Variants in RPS6KA2 observed in about 807,000 individuals in gnomAD.
RPS6KA2 encodes the protein ribosomal protein S6 kinase alpha-2.
In RPS6KA2, 42 loss-of-function variants were observed where a neutral mutation model predicts 91.8. That is an observed-to-expected ratio of 0.46 (90% CI 0.36 to 0.59). RPS6KA2 has a LOEUF of 0.59. Ranked by LOEUF, RPS6KA2 falls within the 20% of genes least tolerant of loss-of-function variation. The pLI is 0.00. For synonymous variants in RPS6KA2, 414 were observed against 393.6 expected (o/e 1.05, Z -0.61); for missense variants, 798 against 978.5 (o/e 0.82, Z 2.46).
intron 2 of RPS6KA2, among the ~76,000 whole-genome samples, chr6:166,695,876 A>G (rs530533679): frequency 6.6e-6 from 1 of 152,116 alleles, no homozygotes; most frequent in South Asian, 2.1e-4. Context: ...GGAGCACTAA[A>G]TTCTCATAGG....
At position 166,802,944 on chromosome 6, in the gene RPS6KA2, G is replaced by GTATATATA. The variant is rs201882418; in HGVS notation, c.123+55248_123+55255dup. Among the ~76,000 whole-genome samples the GTATATATA allele has an allele frequency of 3.8e-3, 515 of 133,786 alleles. 6 individuals carry two copies. The highest frequency in any genetic ancestry group is 0.014 in the African/African-American group (479 of 35,198). The allele number at this position is 133,786 out of a possible 152,430, so 87.8% of individuals were successfully genotyped here. Reference sequence around the variant, plus strand: ...ATAATGTATGTATATGTGTGTGTGTGTATATATATATATATATATAAAATG... The same window carrying GTATATATA: ...ATAATGTATGTATATGTGTGTGTGTGTATATATATATATATATATATATATATAAAATG... On this transcript the variant is annotated intron_variant, in intron 2 of 21. Transcript: ENST00000503859.
intron 1 of RPS6KA2, among the ~76,000 whole-genome samples, chr6:166,555,140 A>T (rs1018154955): frequency 2.0e-5 from 3 of 152,302 alleles, no homozygotes; most frequent in African/African-American, 7.2e-5. Context: ...TTACAATGGG[A>T]AAGGGACTCC....
At chr6:166,858,912 G>A (rs1384107840) in intron 1 of RPS6KA2, among the ~76,000 whole-genome samples, 1 of 151,866 alleles carries the variant, frequency 6.6e-6, no homozygotes, top group East Asian at 1.9e-4. Context: ...CTCCACGGAA[G>A]AACACCAGCC....
chr6:166,701,599 A>C, intron 2 of RPS6KA2: 1 of 1,332,242 alleles, frequency 7.5e-7, no homozygotes. Flanking sequence ...AGCCGGGATA[A>C]ACAGATGAAC....
intron 10 of RPS6KA2, among the ~76,000 whole-genome samples, chr6:166,473,270 A>C (rs1780840645): frequency 6.6e-6 from 1 of 151,912 alleles, no homozygotes; most frequent in South Asian, 2.1e-4. Context: ...GACTCACTGC[A>C]GCCTCGATTT....
At position 166,501,013 on chromosome 6, in the gene RPS6KA2, G is replaced by C. The variant is rs561664610; in HGVS notation, c.567-89C>G. The C allele has an allele frequency of 7.1e-6, 9 of 1,259,024 alleles. No individual in the cohort carries two copies. In the East Asian group the frequency reaches 1.7e-4, roughly 23 times the overall value. The allele number at this position is 1,259,024 out of a possible 1,614,324, so 78.0% of individuals were successfully genotyped here. A position where few individuals can be genotyped will look rare whatever the true frequency, so the allele number is the denominator to read the frequency against. ...GAGCTCAGAGGAGAGCTGCGGGGCA[G>C]CTGGGGGCGGACGTTTTCAGGGAGC... On this transcript the variant is annotated intron_variant, in intron 6 of 20. Transcript: ENST00000265678.
At chr6:166,518,031 G>A (rs1327669112) in intron 3 of RPS6KA2, among the ~76,000 whole-genome samples, 4 of 152,266 alleles carry the variant, frequency 2.6e-5, no homozygotes, top group Middle Eastern at 3.4e-3. Flanking sequence ...TTCTGTGTGT[G>A]TGTCTTTAAT....
intron 2 of RPS6KA2, among the ~76,000 whole-genome samples, chr6:166,764,528 G>C (rs1778256523): frequency 6.6e-6 from 1 of 152,146 alleles, no homozygotes; most frequent in Non-Finnish European, 1.5e-5. Context: ...AGGCGGGCAG[G>C]GGTGGTTGCT....
chr6:166,456,826 A>G (rs1428890207), intron 12 of RPS6KA2, among the ~76,000 whole-genome samples: 1 of 152,256 alleles, frequency 6.6e-6, no homozygotes, highest in African/African-American at 2.4e-5. Context: ...TGATAAATTA[A>G]CTGAAACTGA....
chr6:166,819,403 C>T (rs76964867), intron 2 of RPS6KA2, among the ~76,000 whole-genome samples: 46 of 152,268 alleles, frequency 3.0e-4, no homozygotes, highest in African/African-American at 1.1e-3. Context: ...TGTCCCTCTG[C>T]AACCCCATAT....
intron 3 of RPS6KA2, among the ~76,000 whole-genome samples, chr6:166,524,525 G>C (rs544874016): frequency 3.3e-5 from 5 of 152,258 alleles, no homozygotes; most frequent in African/African-American, 1.2e-4. Flanking sequence ...GCTGAACCAA[G>C]ACATCATTCT....
intron 11 of RPS6KA2, among the ~76,000 whole-genome samples, chr6:166,461,712 A>T (rs1199966702): frequency 6.6e-6 from 1 of 152,234 alleles, no homozygotes; most frequent in Non-Finnish European, 1.5e-5. Flanking sequence ...ATTAAAAACA[A>T]AATAAAATAC....
intron 2 of RPS6KA2, among the ~76,000 whole-genome samples, chr6:166,748,528 T>A (rs1453480104): frequency 1.4e-5 from 2 of 147,100 alleles, no homozygotes; most frequent in Non-Finnish European, 3.0e-5. Flanking sequence ...GGGCCCCACC[T>A]CCTCGGGCCC....
At chr6:166,420,203 G>A (rs78238481) in intron 17 of RPS6KA2, among the ~76,000 whole-genome samples, 1 of 152,204 alleles carries the variant, frequency 6.6e-6, no homozygotes, top group Admixed American at 6.5e-5. Flanking sequence ...AGGCTGAAAA[G>A]GAGGGCCTTA....
intron 2 of RPS6KA2, among the ~76,000 whole-genome samples, chr6:166,708,988 G>A (rs1789770909): frequency 6.6e-6 from 1 of 152,232 alleles, no homozygotes; most frequent in Non-Finnish European, 1.5e-5. Flanking sequence ...ACCGCTCCGT[G>A]TTGATATTCA....
chr6:166,489,846 T>C (rs1206278715), intron 9 of RPS6KA2, among the ~76,000 whole-genome samples: 2 of 151,974 alleles, frequency 1.3e-5, no homozygotes, highest in Non-Finnish European at 2.9e-5. Context: ...GATTCTCAAT[T>C]TTATAAAAGT....
intron 2 of RPS6KA2, among the ~76,000 whole-genome samples, chr6:166,784,422 A>ACACGTGCACACCTATCTAT (rs1778869598): frequency 4.8e-5 from 1 of 20,708 alleles, no homozygotes; most frequent in Non-Finnish European, 8.1e-5. Flanking sequence ...ACCTATGCAG[A>ACACGTGCACACCTATCTAT]ACCACATATG....
chr6:166,572,198 G>C (rs185610824), intron 1 of RPS6KA2, among the ~76,000 whole-genome samples: 2 of 152,122 alleles, frequency 1.3e-5, no homozygotes, highest in Admixed American at 1.3e-4. Flanking sequence ...GTATCTGAGT[G>C]GTGGGATTGA....
chr6:166,726,041 G>A lies in RPS6KA2; in HGVS notation c.123+132159C>T, dbSNP rs1331008008. Among the ~76,000 whole-genome samples, 2 of 152,192 alleles carry A rather than the reference G, an allele frequency of 1.3e-5. No individual in the cohort carries two copies. The highest frequency in any genetic ancestry group is 2.9e-5 in the Non-Finnish European group (2 of 68,046). On this transcript the variant is annotated intron_variant, in intron 2 of 21. Transcript: ENST00000503859. The surrounding 1 kb of genome is among the most constrained non-coding windows in gnomAD (Gnocchi z 4.4). ...ATTGTTTTCAGGCCAAGAGTAAGATGTAAGAATGTGCTGTGAACCTTTATG... is the reference window on the plus strand; with the variant it reads ...ATTGTTTTCAGGCCAAGAGTAAGATATAAGAATGTGCTGTGAACCTTTATG...
Sources: allele counts gnomAD v4.1 joint callset (sites outside exome capture counted in the v4.1 genomes callset), GRCh38; gene constraint gnomAD v4.1.1; non-coding constraint Gnocchi (gnomAD v3.1); transcripts MANE v1.5; gene names NCBI Gene and HGNC (gene_info 2026-07-23, HGNC 2026-07-21).